The following ANKS1B variants were observed in gnomAD, a reference collection of about 807,000 sequenced individuals.
The protein encoded by ANKS1B is ankyrin repeat and sterile alpha motif domain containing 1B, also known as ankyrin repeat and sterile alpha motif domain-containing protein 1B.
In ANKS1B, 36 loss-of-function variants were observed where a neutral mutation model predicts 148.3. The ratio of observed to expected loss-of-function variants is 0.24; its 90% CI spans 0.19 to 0.32. The LOEUF is 0.32. ANKS1B is among the 10% of genes least tolerant of loss of function. ANKS1B has a pLI of 1.00. For missense variants in ANKS1B, 1,157 were observed against 1,542.6 expected (o/e 0.75, Z 4.19); for synonymous variants, 542 against 560.8 (o/e 0.97, Z 0.47).
chr12:99,383,295 C>T (rs1027271286), intron 12 of ANKS1B, among the ~76,000 whole-genome samples: 1 of 152,098 alleles, frequency 6.6e-6, no homozygotes, highest in South Asian at 2.1e-4. Flanking sequence ...AGAAAAGAGC[C>T]ACATTTCAGA....
intron 9 of ANKS1B, among the ~76,000 whole-genome samples, chr12:99,603,261 G>A (rs1339207239): frequency 6.6e-6 from 1 of 152,136 alleles, no homozygotes; most frequent in East Asian, 1.9e-4. Flanking sequence ...ACTTTTAAAA[G>A]CTTCTTGAGG....
At chr12:99,415,730 C>A (rs997679627) in intron 11 of ANKS1B, among the ~76,000 whole-genome samples, 10 of 152,214 alleles carry the variant, frequency 6.6e-5, no homozygotes, top group African/African-American at 2.2e-4. Context: ...GCCGCCCAGG[C>A]TGGAGTGTAG....
chr12:99,744,853 G>C (rs147194234), intron 8 of ANKS1B, among the ~76,000 whole-genome samples: 2 of 151,812 alleles, frequency 1.3e-5, no homozygotes, highest in African/African-American at 2.4e-5. Context: ...TTAGCTGGGC[G>C]TGGTGGCACA....
At chr12:99,001,146 T>A (rs1425814985) in intron 17 of ANKS1B, among the ~76,000 whole-genome samples, 1 of 152,076 alleles carries the variant, frequency 6.6e-6, no homozygotes, top group Non-Finnish European at 1.5e-5. Flanking sequence ...TTGTGTTTAT[T>A]TTTTTTGAGA....
intron 15 of ANKS1B, among the ~76,000 whole-genome samples, chr12:99,116,792 A>G (rs1372717229): frequency 1.3e-5 from 2 of 152,172 alleles, no homozygotes; most frequent in Non-Finnish European, 2.9e-5. Context: ...ACTTTGAGCC[A>G]TATAGTCATT....
At chr12:99,054,932 A>G (rs914248930) in intron 16 of ANKS1B, among the ~76,000 whole-genome samples, 16 of 152,248 alleles carry the variant, frequency 1.1e-4, no homozygotes. Flanking sequence ...CTTCACTTTT[A>G]CATTGACTGA....
chr12:98,989,596 T>G (rs2099925360), intron 17 of ANKS1B, among the ~76,000 whole-genome samples: 1 of 152,182 alleles, frequency 6.6e-6, no homozygotes, highest in East Asian at 1.9e-4. Flanking sequence ...CTTTGTCTAT[T>G]TGGGACCTTT....
chr12:99,848,496 A>T (rs74659220), intron 1 of ANKS1B, among the ~76,000 whole-genome samples: 1 of 152,168 alleles, frequency 6.6e-6, no homozygotes, highest in South Asian at 2.1e-4. Context: ...ATAATGTAAA[A>T]GAACAACTGG....
chr12:99,232,813 T>C (rs1033481022), intron 14 of ANKS1B, among the ~76,000 whole-genome samples: 6 of 152,170 alleles, frequency 3.9e-5, no homozygotes, highest in African/African-American at 7.2e-5. Flanking sequence ...CATCTTTCTG[T>C]GGAGCATGCA....
intron 9 of ANKS1B, among the ~76,000 whole-genome samples, chr12:99,583,707 A>G (rs971539066): frequency 1.3e-5 from 2 of 152,222 alleles, no homozygotes; most frequent in Admixed American, 1.3e-4. Flanking sequence ...TAAAATTCCT[A>G]GGCAAGTTAA....
At chr12:99,574,733 A>G (rs753933007) in intron 9 of ANKS1B, among the ~76,000 whole-genome samples, 42 of 152,088 alleles carry the variant, frequency 2.8e-4, no homozygotes, top group Admixed American at 1.8e-3. Flanking sequence ...ATATATATTC[A>G]TGATGAAAAA....
intron 17 of ANKS1B, among the ~76,000 whole-genome samples, chr12:98,855,479 G>A (rs967514948): frequency 4.6e-5 from 7 of 152,026 alleles, no homozygotes; most frequent in East Asian, 1.9e-4. Flanking sequence ...AAGCATATTC[G>A]GAAACATATT....
intron 12 of ANKS1B, among the ~76,000 whole-genome samples, chr12:99,339,929 TGAGGGTCAC>T (rs2089626014): frequency 6.6e-6 from 1 of 152,160 alleles, no homozygotes; most frequent in East Asian, 1.9e-4. Context: ...CTATTCCATT[TGAGGGTCAC>T]TGAAATGTTC....
intron 9 of ANKS1B, among the ~76,000 whole-genome samples, chr12:99,568,113 C>T (rs4089143): frequency 5.9e-5 from 9 of 152,310 alleles, no homozygotes; most frequent in African/African-American, 2.2e-4. Context: ...CAATATTTTA[C>T]TATTCTCTAA....
At chr12:98,790,674 C>T (rs1460640066) in intron 22 of ANKS1B, among the ~76,000 whole-genome samples, 1 of 151,504 alleles carries the variant, frequency 6.6e-6, no homozygotes, top group Non-Finnish European at 1.5e-5. Context: ...AAGTCCCTCT[C>T]CAAAGCAAAG....
At chr12:99,023,722 A>G (rs11109704) in intron 17 of ANKS1B, among the ~76,000 whole-genome samples, 2,137 of 151,816 alleles carry the variant, frequency 0.014, 27 homozygotes, top group Non-Finnish European at 0.024. Context: ...CTTATGAGAC[A>G]TAGATTAAAC....
intron 20 of ANKS1B, among the ~76,000 whole-genome samples, chr12:98,804,123 C>CTGAT (rs1206655893): frequency 2.0e-5 from 3 of 152,188 alleles, no homozygotes; most frequent in African/African-American, 7.2e-5. Flanking sequence ...TCAGAGTGAT[C>CTGAT]TGATAGGATT....
chr12:98,820,489 T>C (rs899551185), intron 19 of ANKS1B, among the ~76,000 whole-genome samples: 23 of 152,372 alleles, frequency 1.5e-4, no homozygotes, highest in African/African-American at 5.0e-4. Flanking sequence ...TGTGGTTTTA[T>C]GATGCCTATA....
At chr12:99,437,165 T>C (rs531727090) in intron 11 of ANKS1B, among the ~76,000 whole-genome samples, 5 of 152,046 alleles carry the variant, frequency 3.3e-5, no homozygotes, top group Non-Finnish European at 7.4e-5. Context: ...GAAGGTCCTC[T>C]TTCAGATTGC....
Sources: allele counts gnomAD v4.1 joint callset (sites outside exome capture counted in the v4.1 genomes callset), GRCh38; gene constraint gnomAD v4.1.1; transcripts MANE v1.5; gene names NCBI Gene and HGNC (gene_info 2026-07-23, HGNC 2026-07-21).